CCDC82: variants seen among roughly 807,000 people sequenced by gnomAD.
The protein encoded by CCDC82 is coiled-coil domain-containing protein 82.
Under a neutral mutation model 60.6 loss-of-function variants are expected in CCDC82, and 47 were observed. The ratio of observed to expected loss-of-function variants is 0.77; its 90% CI spans 0.61 to 0.99. CCDC82 has a LOEUF of 0.99. CCDC82 is among the 50% of genes least tolerant of loss of function. CCDC82 has a pLI of 0.00. For missense variants in CCDC82, 588 were observed against 633.0 expected (o/e 0.93, Z 0.76); for synonymous variants, 212 against 207.4 (o/e 1.02, Z -0.19).
At chr11:96,371,780 T>C (rs911507790) in intron 6 of CCDC82, among the ~76,000 whole-genome samples, 21 of 152,222 alleles carry the variant, frequency 1.4e-4, no homozygotes, top group African/African-American at 4.8e-4. Flanking sequence ...ACTGATCCCA[T>C]GGTAACTCCT....
chr11:96,358,735 A>G, intron 9 of CCDC82: 1 of 1,010,326 alleles, frequency 9.9e-7, no homozygotes, highest in Non-Finnish European at 1.3e-6. Flanking sequence ...GCGAAAGGAC[A>G]GAGGTCCTTC....
chr11:96,372,903 T>C (rs899606799), intron 6 of CCDC82, among the ~76,000 whole-genome samples: 3 of 151,756 alleles, frequency 2.0e-5, no homozygotes, highest in Non-Finnish European at 2.9e-5. Flanking sequence ...ATGATAAATA[T>C]TATGTGAATG....
chr11:96,387,167 A>C (rs984425347), intron 2 of CCDC82: 1 of 152,266 alleles, frequency 6.6e-6, no homozygotes, highest in Non-Finnish European at 1.5e-5. Flanking sequence ...AACAATGACA[A>C]ATATGGTTGC....
In CCDC82 at chr11:96,353,726, A is replaced by C. The variant is rs777125910; in HGVS notation, c.1567-12T>G. ...AGTTGACCATATTTCTGCATATACA[A>C]TAGAAAAGCTAGTTATTTTACTCAA... is the stretch of plus-strand genomic sequence containing the variant. On this transcript the variant is annotated splice_polypyrimidine_tract_variant and intron_variant, in intron 9 of 9. Coordinates refer to ENST00000646818, the MANE Select transcript of CCDC82 (RefSeq NM_024725.4). The C allele has an allele frequency of 2.5e-6, 4 of 1,594,874 alleles. No homozygotes were observed.
intron 7 of CCDC82, among the ~76,000 whole-genome samples, chr11:96,367,750 T>C (rs1261237500): frequency 6.6e-6 from 1 of 152,168 alleles, no homozygotes; most frequent in Non-Finnish European, 1.5e-5. Context: ...AGAAGGTTTT[T>C]AATTTACTTT....
chr11:96,369,914 C>T (rs1323032893), intron 7 of CCDC82, among the ~76,000 whole-genome samples: 2 of 152,142 alleles, frequency 1.3e-5, no homozygotes, highest in Admixed American at 1.3e-4. Flanking sequence ...AAAAGCTGTG[C>T]CTGTACTTTA....
intron 5 of CCDC82, among the ~76,000 whole-genome samples, chr11:96,376,914 C>T (rs1865605815): frequency 2.0e-5 from 3 of 152,080 alleles, no homozygotes; most frequent in Admixed American, 6.5e-5. Context: ...GTCAGATTCT[C>T]TTGGATATTT....
At chr11:96,360,017 T>C (rs1474568379) in intron 8 of CCDC82, among the ~76,000 whole-genome samples, 1 of 150,850 alleles carries the variant, frequency 6.6e-6, no homozygotes, top group Non-Finnish European at 1.5e-5. Context: ...CCAGAACCTT[T>C]CTCTTTCAGA....
intron 5 of CCDC82, chr11:96,380,507 CT>C (rs1293731689): frequency 6.6e-6 from 1 of 151,724 alleles, no homozygotes; most frequent in Non-Finnish European, 1.5e-5. Flanking sequence ...GAGTTGAAAA[CT>C]TATGTCCATA....
chr11:96,354,729 AG>A (rs1417430628), intron 9 of CCDC82: 1 of 152,206 alleles, frequency 6.6e-6, no homozygotes, highest in African/African-American at 2.4e-5. Context: ...GCTCTTTTGC[AG>A]GTTGTTTGTG....
At position 96,353,441 on chromosome 11, in the gene CCDC82, A is replaced by G. The variant is rs904910401; in HGVS notation, c.*205T>C. The G allele has an allele frequency of 6.6e-5, 32 of 484,472 alleles. No individual in the cohort carries two copies. The highest frequency in any genetic ancestry group is 3.1e-4 in the Admixed American group (8 of 26,004). 30.0% of individuals were successfully genotyped at this position (484,472 alleles called of 1,614,324 possible). A position where few individuals can be genotyped will look rare whatever the true frequency, so the allele number is the denominator to read the frequency against. On this transcript the variant is annotated 3_prime_UTR_variant, in exon 10 of 10. Transcript: ENST00000646818. ...TATATTTACAGACTTAAAAATTAAG[A>G]TAATGCTTTTATGTACATCAGATAA...
rs1345998754 is a variant in CCDC82 at position 96,384,764 on chromosome 11, A to G, written c.-14-3T>C. ...ATGTATCATTTTCACTTAAGCTTCT[A>G]TAAAATAAAGTTGTTAGGAATATAA... is the stretch of plus-strand genomic sequence containing the variant. On this transcript the variant is annotated splice_polypyrimidine_tract_variant and splice_region_variant and intron_variant, in intron 3 of 9. Coordinates refer to ENST00000646818, the MANE Select transcript of CCDC82 (RefSeq NM_024725.4). 2.6e-6 allele frequency: 4 copies of G among 1,552,210 alleles called. No homozygotes were observed. In the African/African-American group the frequency reaches 4.1e-5, roughly 16 times the overall value.
At chr11:96,379,546 TTTTG>T (rs1487801095) in intron 5 of CCDC82, among the ~76,000 whole-genome samples, 2 of 151,710 alleles carry the variant, frequency 1.3e-5, no homozygotes. Flanking sequence ...ACTATTTAGG[TTTTG>T]TTTTTGTTTT....
chr11:96,357,371 C>T (rs979189466), intron 9 of CCDC82: 27 of 984,950 alleles, frequency 2.7e-5, no homozygotes, highest in Middle Eastern at 5.2e-4. Context: ...TCTTGAAATA[C>T]CTTCAATGCC....
intron 8 of CCDC82, among the ~76,000 whole-genome samples, chr11:96,362,814 G>A (rs1488063647): frequency 6.6e-6 from 1 of 152,132 alleles, no homozygotes; most frequent in East Asian, 1.9e-4. Flanking sequence ...TTGCTGTTAA[G>A]TGAATTCCTT....
At chr11:96,382,725 A>C (rs1044414649) in intron 5 of CCDC82, 1 of 151,868 alleles carries the variant, frequency 6.6e-6, no homozygotes, top group Non-Finnish European at 1.5e-5. Context: ...TTTTTAAAAT[A>C]CTATTAAAAT....
intron 8 of CCDC82, chr11:96,363,413 A>G (rs1334231877): frequency 6.6e-6 from 1 of 152,200 alleles, no homozygotes; most frequent in Non-Finnish European, 1.5e-5. Flanking sequence ...TGAAAAAACA[A>G]TTTCTCTTTA....
intron 7 of CCDC82, among the ~76,000 whole-genome samples, chr11:96,365,570 A>G (rs1420575623): frequency 6.6e-6 from 1 of 152,206 alleles, no homozygotes; most frequent in Non-Finnish European, 1.5e-5. Context: ...CATTATATGA[A>G]TTATATATTT....
At chr11:96,367,203 T>C (rs983663178) in intron 7 of CCDC82, among the ~76,000 whole-genome samples, 5 of 152,214 alleles carry the variant, frequency 3.3e-5, no homozygotes, top group Admixed American at 3.3e-4. Flanking sequence ...GTTGCATCCA[T>C]TCTTAAGACA....
Sources: allele counts gnomAD v4.1 joint callset (sites outside exome capture counted in the v4.1 genomes callset), GRCh38; gene constraint gnomAD v4.1.1; transcripts MANE v1.5; gene names NCBI Gene and HGNC (gene_info 2026-07-23, HGNC 2026-07-21).